Variants in DUOX1 observed in about 807,000 individuals in gnomAD.
The protein encoded by DUOX1 is NADPH thyroid oxidase 1.
A neutral mutation model predicts 181.8 loss-of-function variants in DUOX1; 134 were observed. That is an observed-to-expected ratio of 0.74 (90% CI 0.64 to 0.85). DUOX1 has a LOEUF of 0.85. DUOX1 is among the 40% of genes least tolerant of loss of function. The probability of loss-of-function intolerance (pLI) is 0.00; values close to 1 mark genes in which losing one functional copy is unlikely to be tolerated. For missense variants in DUOX1, 1,814 were observed against 2,064.4 expected (o/e 0.88, Z 2.35); for synonymous variants, 798 against 832.5 (o/e 0.96, Z 0.71).
At position 45,165,253 on chromosome 15, in the gene DUOX1, T is replaced by A. The variant is rs1363936352; in HGVS notation, c.*352T>A. The stretch of plus-strand genomic sequence containing the variant: ...TGTGTGTGCATGTCTGTATGTGTGT[T>A]GGGGCGGTGAGTGTAAGGATGCAGT... On this transcript the variant is annotated 3_prime_UTR_variant, in exon 34 of 34. Coordinates refer to ENST00000389037, the MANE Select transcript of DUOX1 (RefSeq NM_175940.3). The A allele has an allele frequency of 7.2e-6, 2 of 278,944 alleles. No individual in the cohort carries two copies. Among genetic ancestry groups the A allele is most frequent in the Non-Finnish European group, 6.7e-6 (1 of 148,260 alleles). The allele number at this position is 278,944 out of a possible 1,614,324, so 17.3% of individuals were successfully genotyped here.
intron 25 of DUOX1, 31 bp from the exon 26 acceptor site, chr15:45,153,349 C>A: frequency 6.2e-7 from 1 of 1,601,306 alleles, no homozygotes; most frequent in Non-Finnish European, 8.6e-7. Flanking sequence ...TGGGCTGCCC[C>A]AAGCTCACCA....
In DUOX1 at chr15:45,139,585, C is replaced by CGG; in HGVS notation, c.1376_1377dup (p.Ser460GlyfsTer21). On this transcript the variant is annotated frameshift_variant, in exon 12 of 34. Transcript: ENST00000389037. LOFTEE classifies it high-confidence loss of function. ...GCAGGACATCAACCCTGCACTCTCC[C>CGG]GGAGCAATGACACTGTGAGGAGGGG... is the stretch of plus-strand genomic sequence containing the variant. 3 of 1,588,046 alleles carry CGG rather than the reference C, an allele frequency of 1.9e-6. No individual in the cohort carries two copies. The South Asian group carries it at 3.4e-5, about 18-fold the overall frequency.
chr15:45,135,477 A>T lies in DUOX1; in HGVS notation c.499A>T (p.Asn167Tyr). The change falls in exon 6 of 34, where the codon AAC becomes TAC. Residue 167 changes from asparagine (N) to tyrosine (Y), a missense_variant. This residue lies in a region of DUOX1 where 320 missense variants were observed against 313.1 expected (regional missense o/e 1.02). Coordinates refer to ENST00000389037, the MANE Select transcript of DUOX1 (RefSeq NM_175940.3). The stretch of plus-strand genomic sequence containing the variant: ...TCACCCGCCGCGTGCCCCGCAGGCC[A>T]ACCAGGTGACGGGCTGGCTGGACGG... Reference protein sequence around the residue: ...RSPSNPRDPANQVTGWLDGSA... With the variant: ...RSPSNPRDPAYQVTGWLDGSA... 1 of 1,552,738 alleles carries T rather than the reference A, an allele frequency of 6.4e-7. No individual in the cohort carries two copies. The highest frequency in any genetic ancestry group is 8.7e-7 in the Non-Finnish European group (1 of 1,149,826).
At chr15:45,142,184 A>G in intron 15 of DUOX1, 72 bp downstream of exon 15, 1 of 1,538,400 alleles carries the variant, frequency 6.5e-7, no homozygotes, top group Non-Finnish European at 8.8e-7. Flanking sequence ...GGTTCCACTA[A>G]TGACAACAAA....
In DUOX1 at chr15:45,140,816, C is replaced by T. The variant is rs1011778617; in HGVS notation, c.1390-79C>T. On this transcript the variant is annotated intron_variant, in intron 12 of 33. Coordinates refer to ENST00000389037, the MANE Select transcript of DUOX1 (RefSeq NM_175940.3). Reference sequence around the variant, plus strand: ...TCATTTATTATTATCATCCCTGGGGCTAATCCCTGGGAGCCACCTCTTTGC... The same window carrying T: ...TCATTTATTATTATCATCCCTGGGGTTAATCCCTGGGAGCCACCTCTTTGC... 3.6e-6 allele frequency: 5 copies of T among 1,408,164 alleles called. 1 individual carries two copies. Among genetic ancestry groups the T allele is most frequent in the South Asian group, 1.2e-5 (1 of 82,062 alleles). 87.2% of individuals were successfully genotyped at this position (1,408,164 alleles called of 1,614,324 possible). A position where few individuals can be genotyped will look rare whatever the true frequency, so the allele number is the denominator to read the frequency against.
Position 45,160,956 on chromosome 15 carries a change from G to T in DUOX1, c.3822G>T (p.Glu1274Asp). Residue 1274 changes from glutamate (E) to aspartate (D), a missense_variant, in exon 29 of 34, where the codon GAG (glutamate) becomes GAT (aspartate). By Grantham distance (45) the Glu-to-Asp change is conservative. This residue lies in a region of DUOX1 where 279 missense variants were observed against 381.9 expected (regional missense o/e 0.73). Transcript: ENST00000389037. ...KLVSLSRKKV[E>D]ISVVKAELLP... is the part of the protein sequence containing the mutation. ...TGAGCCTGAGCCGGAAGAAGGTGGA[G>T]ATCAGCGTGGTGAAGGCGGAGCTGC... The T allele has an allele frequency of 6.2e-7, 1 of 1,614,210 alleles. No homozygotes were observed. The highest frequency in any genetic ancestry group is 8.5e-7 in the Non-Finnish European group (1 of 1,180,036).
chr15:45,145,420 A>G (rs1264699796), intron 18 of DUOX1, among the ~76,000 whole-genome samples: 1 of 152,158 alleles, frequency 6.6e-6, no homozygotes, highest in Non-Finnish European at 1.5e-5. Context: ...TGGGCACCAT[A>G]AGGGATATTG....
At chr15:45,145,188 A>G (rs1242048912) in intron 18 of DUOX1, 108 bp downstream of exon 18, 2 of 1,092,420 alleles carry the variant, frequency 1.8e-6, no homozygotes, top group South Asian at 2.1e-5. Flanking sequence ...CTCAGCTAAT[A>G]ATCAAGTCTA....
rs150696882 is a variant in DUOX1, at chr15:45,139,457, G to A, written c.1247G>A (p.Arg416His). 5.6e-4 allele frequency: 904 copies of A among 1,612,758 alleles called. 1 individual carries two copies. The highest frequency in any genetic ancestry group is 8.7e-4 in the Admixed American group (52 of 59,530). Residue 416 changes from arginine to histidine, a missense_variant, in exon 12 of 34, where the codon CGC becomes CAC. Arg to His is a conservative substitution (Grantham distance 29). Transcript: ENST00000389037. The stretch of plus-strand genomic sequence containing the variant: ...TGGCCTGGGCCACTGAAGTTTTCCC[G>A]CACAGACCACCTGGCCAGCTGCCTG... ...DFWPGPLKFS[R>H]TDHLASCLQR... is the part of the protein sequence containing the mutation.
intron 28 of DUOX1, among the ~76,000 whole-genome samples, chr15:45,156,963 G>A (rs1231447011): frequency 1.3e-5 from 2 of 152,160 alleles, no homozygotes; most frequent in African/African-American, 2.4e-5. Context: ...TACTCTGAGG[G>A]CCTCACTTAG....
intron 4 of DUOX1, among the ~76,000 whole-genome samples, chr15:45,134,532 A>G (rs1266549737): frequency 6.6e-6 from 1 of 152,060 alleles, no homozygotes; most frequent in Non-Finnish European, 1.5e-5. Flanking sequence ...CCACACAGAA[A>G]GATGAGGGGT....
chr15:45,139,564 G>A lies in DUOX1; in HGVS notation c.1354G>A (p.Asp452Asn). 3 of 1,608,904 alleles carry A rather than the reference G, an allele frequency of 1.9e-6. No individual in the cohort carries two copies. Among genetic ancestry groups the A allele is most frequent in the Non-Finnish European group, 2.5e-6 (3 of 1,177,870 alleles). The change falls in exon 12 of 34, where the codon GAC (aspartate) becomes AAC (asparagine). Residue 452 changes from aspartate to asparagine, a missense_variant. Asp to Asn is a conservative substitution (Grantham distance 23). This residue lies in a region of DUOX1 where 1,064 missense variants were observed against 1,152.9 expected (regional missense o/e 0.92). Coordinates refer to ENST00000389037, the MANE Select transcript of DUOX1 (RefSeq NM_175940.3). ...LGLSPITRWQ[D>N]INPALSRSND... Reference sequence around the variant, plus strand: ...CTTGTCTCCCATTACCCGCTGGCAGGACATCAACCCTGCACTCTCCCGGAG... The same window carrying A: ...CTTGTCTCCCATTACCCGCTGGCAGAACATCAACCCTGCACTCTCCCGGAG...
chr15:45,138,968 G>A, intron 10 of DUOX1, 98 bp from the exon 11 acceptor site: 2 of 1,091,382 alleles, frequency 1.8e-6, no homozygotes, highest in Non-Finnish European at 1.3e-6. Flanking sequence ...AGGACTGGGT[G>A]GGCTCAGGGA....
At position 45,134,322 on chromosome 15, in the gene DUOX1, A is replaced by G. The variant is rs371666623; in HGVS notation, c.307+13A>G. On this transcript the variant is annotated intron_variant, in intron 4 of 33. Coordinates refer to ENST00000389037, the MANE Select transcript of DUOX1 (RefSeq NM_175940.3). ...GGGGTCTTCTTTGGTGAGAACTTCA[A>G]CCTCTGGGGAAGGAAGCCGGTGGGG... The G allele has an allele frequency of 2.1e-5, 33 of 1,582,674 alleles. No individual in the cohort carries two copies. Among genetic ancestry groups the G allele is most frequent in the Non-Finnish European group, 2.4e-5 (28 of 1,167,828 alleles).
At chr15:45,136,491 G>A (rs769262711) in intron 8 of DUOX1, 38 bp from the exon 9 acceptor site, 2 of 1,614,026 alleles carry the variant, frequency 1.2e-6, no homozygotes, top group African/African-American at 1.3e-5. Flanking sequence ...GGATTTTAGG[G>A]CTAAATTCTT....
At chr15:45,162,795 G>C (rs1869729477) in intron 31 of DUOX1, among the ~76,000 whole-genome samples, 1 of 152,246 alleles carries the variant, frequency 6.6e-6, no homozygotes, top group African/African-American at 2.4e-5. Context: ...GCTCTCAAGA[G>C]GAACAGGAGG....
rs1897204371 is a variant in DUOX1, at chr15:45,165,324, C to G, written c.*423C>G. On this transcript the variant is annotated 3_prime_UTR_variant, in exon 34 of 34. Coordinates refer to ENST00000389037, the MANE Select transcript of DUOX1 (RefSeq NM_175940.3). The stretch of plus-strand genomic sequence containing the variant: ...CTTAGAACCCTCCCTACTCCCATAC[C>G]TCCTCCTCTTCTGGGCTCCCCACTG... The G allele has an allele frequency of 6.1e-6, 1 of 163,686 alleles. No homozygotes were observed. Among genetic ancestry groups the G allele is most frequent in the African/African-American group, 2.4e-5 (1 of 41,906 alleles). The allele number at this position is 163,686 out of a possible 1,614,324, so 10.1% of individuals were successfully genotyped here. A position where few individuals can be genotyped will look rare whatever the true frequency, so the allele number is the denominator to read the frequency against.
chr15:45,144,596 G>C (rs1195809916), intron 17 of DUOX1, among the ~76,000 whole-genome samples: 3 of 152,236 alleles, frequency 2.0e-5, no homozygotes, highest in African/African-American at 7.2e-5. Context: ...TTTTGGAGGA[G>C]AGCTAAATCA....
chr15:45,150,994 A>G, intron 22 of DUOX1, 129 bp from the exon 23 acceptor site: 3 of 1,333,660 alleles, frequency 2.2e-6, no homozygotes, highest in Non-Finnish European at 3.1e-6. Flanking sequence ...TGACTGTGGG[A>G]ATCCTGCTGT....
Sources: gnomAD v4.1 joint callset for allele counts (sites outside exome capture counted in the v4.1 genomes callset) on GRCh38, gnomAD v4.1.1 for gene constraint, gnomAD v4.1.1 regional missense constraint, MANE v1.5 for transcripts, NCBI Gene and HGNC (gene_info 2026-07-23, HGNC 2026-07-21) for gene names.